The following NTM variants were observed in gnomAD, a reference collection of about 807,000 sequenced individuals.
The protein encoded by NTM is IgLON family member 2.
NTM carries 13 observed loss-of-function variants against 42.1 expected under a neutral mutation model. The observed-to-expected ratio is 0.31, with a 90% CI of 0.20 to 0.49. The LOEUF is 0.49. Among genes scored for constraint, NTM ranks in the 20% least tolerant of loss-of-function variants. The pLI is 0.99. For synonymous variants in NTM, 187 were observed against 179.2 expected (o/e 1.04, Z -0.35); for missense variants, 373 against 452.8 (o/e 0.82, Z 1.60).
At chr11:131,969,432 T>G (rs1288345737) in intron 2 of NTM, among the ~76,000 whole-genome samples, 1 of 152,246 alleles carries the variant, frequency 6.6e-6, no homozygotes, top group Non-Finnish European at 1.5e-5. Context: ...TTCATGTTTT[T>G]CTGCAATTAC....
intron 4 of NTM, among the ~76,000 whole-genome samples, chr11:132,268,758 C>G (rs113446916): frequency 5.2e-4 from 79 of 151,546 alleles, no homozygotes; most frequent in Middle Eastern, 3.4e-3. Flanking sequence ...TAGGTCTGAG[C>G]TAATGCTAAT....
chr11:131,690,374 C>T (rs2074501576), intron 1 of NTM, among the ~76,000 whole-genome samples: 2 of 152,188 alleles, frequency 1.3e-5, no homozygotes, highest in African/African-American at 4.8e-5. Flanking sequence ...GGGCATGACA[C>T]ACAAACACCC....
intron 1 of NTM, among the ~76,000 whole-genome samples, chr11:131,886,994 A>G (rs2050513983): frequency 6.6e-6 from 1 of 152,216 alleles, no homozygotes; most frequent in South Asian, 2.1e-4. Flanking sequence ...TCTAAGGTCA[A>G]ATAGGCAGCT....
intron 1 of NTM, among the ~76,000 whole-genome samples, chr11:131,516,024 C>A (rs1275149117): frequency 6.6e-6 from 1 of 152,170 alleles, no homozygotes; most frequent in African/African-American, 2.4e-5. Context: ...TTCCAATGAG[C>A]TAAATGGAAC....
chr11:131,564,644 C>T lies in NTM; in HGVS notation c.82+193756C>T, dbSNP rs180969100. On this transcript the variant is annotated intron_variant, in intron 1 of 8. Transcript: ENST00000683400. ...CTACCATCAAGGTAACAAATATATC[C>T]ATCACCTCCAAGAGTTTCTTCATGT... 2.6e-5 allele frequency among the ~76,000 whole-genome samples: 4 copies of T among 152,156 alleles called. No homozygotes were observed. The East Asian group carries it at 7.7e-4, about 29-fold the overall frequency.
intron 1 of NTM, among the ~76,000 whole-genome samples, chr11:131,472,681 T>C (rs1308840839): frequency 6.6e-6 from 1 of 152,154 alleles, no homozygotes; most frequent in African/African-American, 2.4e-5. Flanking sequence ...GGGGTAAGTG[T>C]AAAAAAGCTG....
At chr11:131,911,074 G>C (rs1019995491) in intron 1 of NTM, 1 of 1,115,152 alleles carries the variant, frequency 9.0e-7, no homozygotes, top group African/African-American at 1.6e-5. Context: ...GCTGGATGAA[G>C]CCCACCCCGT....
At chr11:131,877,763 GA>G (rs1166314147) in intron 1 of NTM, 6 of 152,278 alleles carry the variant, frequency 3.9e-5, no homozygotes, top group Non-Finnish European at 7.3e-5. Flanking sequence ...CCCTGTTGTG[GA>G]ATTTTACTTT....
chr11:131,601,064 C>T (rs749333032), intron 1 of NTM, among the ~76,000 whole-genome samples: 2 of 152,164 alleles, frequency 1.3e-5, no homozygotes, highest in Non-Finnish European at 2.9e-5. Context: ...TGGGGCACCT[C>T]TCCATGCCTT....
intron 1 of NTM, among the ~76,000 whole-genome samples, chr11:131,553,176 G>A (rs186018755): frequency 5.4e-4 from 83 of 152,310 alleles, no homozygotes; most frequent in Middle Eastern, 6.8e-3. Context: ...AGGGGCAGGA[G>A]AGGCCATGAG....
intron 1 of NTM, among the ~76,000 whole-genome samples, chr11:131,756,914 T>A (rs908630122): frequency 1.3e-5 from 2 of 152,152 alleles, no homozygotes; most frequent in South Asian, 2.1e-4. Flanking sequence ...GGAAGATCAG[T>A]GAAGCAGAAT....
At chr11:132,267,776 A>G (rs1024854907) in intron 4 of NTM, among the ~76,000 whole-genome samples, 3 of 151,552 alleles carry the variant, frequency 2.0e-5, no homozygotes, top group Non-Finnish European at 4.4e-5. Context: ...GGGGAGGCAG[A>G]TGTTGCAGCG....
chr11:132,013,986 T>C (rs974583180), intron 2 of NTM, among the ~76,000 whole-genome samples: 1 of 151,956 alleles, frequency 6.6e-6, no homozygotes, highest in African/African-American at 2.4e-5. Flanking sequence ...TATTCCTATA[T>C]CGTATGTCCT....
chr11:131,542,225 G>C (rs2053364988), intron 1 of NTM, among the ~76,000 whole-genome samples: 1 of 152,236 alleles, frequency 6.6e-6, no homozygotes, highest in African/African-American at 2.4e-5. Flanking sequence ...GGAAGGTCAA[G>C]AAGGCCTCAG....
chr11:132,219,859 G>T (rs1418503138), intron 4 of NTM, among the ~76,000 whole-genome samples: 5 of 152,142 alleles, frequency 3.3e-5, no homozygotes, highest in Non-Finnish European at 7.4e-5. Flanking sequence ...GGAAGGGAAG[G>T]AAACTCAAGT....
rs2078984899 is a variant in NTM at position 131,726,448 on chromosome 11, TTACTC to T, written c.83-185111_83-185107del. ...AATGGCATCTAGAGACACCAGCCCT[TTACTC>T]TACTGGCAAAATAAGCCCTAACCCA... On this transcript the variant is annotated intron_variant, in intron 1 of 8. Coordinates refer to ENST00000683400, the MANE Select transcript of NTM (RefSeq NM_001352005.2). Among the ~76,000 whole-genome samples, 5 of 149,056 alleles carry T rather than the reference TTACTC, an allele frequency of 3.4e-5. No homozygotes were observed. The South Asian group carries it at 1.0e-3, about 31-fold the overall frequency.
intron 1 of NTM, among the ~76,000 whole-genome samples, chr11:131,807,423 C>T (rs1168043387): frequency 2.6e-5 from 4 of 152,172 alleles, no homozygotes; most frequent in African/African-American, 9.7e-5. Context: ...GTGCTAAGAA[C>T]AGAAAGGATA....
At chr11:131,774,036 G>T (rs890043470) in intron 1 of NTM, 31 of 983,432 alleles carry the variant, frequency 3.2e-5, no homozygotes, top group Admixed American at 6.2e-5. Flanking sequence ...CAATAGCCTT[G>T]GTGTCATTGA....
At chr11:131,574,561 AGTGT>A (rs3040137) in intron 1 of NTM, among the ~76,000 whole-genome samples, 160 of 147,478 alleles carry the variant, frequency 1.1e-3, no homozygotes, top group African/African-American at 2.6e-3. Context: ...TATGTGCTTG[AGTGT>A]GTGTGTGTGT....
Sources: gnomAD v4.1 joint callset for allele counts (sites outside exome capture counted in the v4.1 genomes callset) on GRCh38, gnomAD v4.1.1 for gene constraint, MANE v1.5 for transcripts, NCBI Gene and HGNC (gene_info 2026-07-23, HGNC 2026-07-21) for gene names.